Variants in MDGA2 observed in about 807,000 individuals in gnomAD.
MDGA2 encodes MAM domain containing glycosylphosphatidylinositol anchor 2, also known as MAM domain-containing glycosylphosphatidylinositol anchor protein 2.
A neutral mutation model predicts 117.8 loss-of-function variants in MDGA2; 40 were observed. The ratio of observed to expected loss-of-function variants is 0.34; its 90% CI spans 0.26 to 0.44. MDGA2 has a LOEUF of 0.44. Ranked by LOEUF, MDGA2 falls within the 20% of genes least tolerant of loss-of-function variation. The pLI is 1.00. For missense variants in MDGA2, 1,123 were observed against 1,250.6 expected (o/e 0.90, Z 1.54); for synonymous variants, 452 against 439.0 (o/e 1.03, Z -0.37).
At chr14:47,227,370 C>T (rs1341374163) in intron 2 of MDGA2, among the ~76,000 whole-genome samples, 1 of 152,088 alleles carries the variant, frequency 6.6e-6, no homozygotes, top group Non-Finnish European at 1.5e-5. Context: ...AATTTACACC[C>T]CAATTTATTT....
chr14:47,447,624 G>A (rs998316563), intron 1 of MDGA2, among the ~76,000 whole-genome samples: 2 of 152,092 alleles, frequency 1.3e-5, no homozygotes, highest in Non-Finnish European at 2.9e-5. Context: ...CAGAGATTTG[G>A]TGCCTCCGGA....
At chr14:47,473,876 AC>A (rs1170481945) in intron 1 of MDGA2, among the ~76,000 whole-genome samples, 1 of 152,190 alleles carries the variant, frequency 6.6e-6, no homozygotes, top group Non-Finnish European at 1.5e-5. Flanking sequence ...CCAATATCAT[AC>A]TGAATGGGTA....
intron 8 of MDGA2, among the ~76,000 whole-genome samples, chr14:47,015,584 G>C (rs1888055473): frequency 6.6e-6 from 1 of 152,026 alleles, no homozygotes; most frequent in Non-Finnish European, 1.5e-5. Flanking sequence ...GACTGGGAAG[G>C]CTTGAGGCCA....
chr14:47,298,695 T>G (rs1214425606), intron 2 of MDGA2, among the ~76,000 whole-genome samples: 1 of 149,732 alleles, frequency 6.7e-6, no homozygotes, highest in Non-Finnish European at 1.5e-5. Context: ...TTTTTTTTTT[T>G]TTTTTTTGAG....
Position 47,001,040 on chromosome 14 carries a change from C to G in MDGA2, c.1819+33971G>C, listed in dbSNP as rs117837462. 6.6e-5 allele frequency among the ~76,000 whole-genome samples: 10 copies of G among 152,034 alleles called. No individual in the cohort carries two copies. The East Asian group carries it at 1.4e-3, about 21-fold the overall frequency. On this transcript the variant is annotated intron_variant, in intron 8 of 16. Coordinates refer to ENST00000399232, the MANE Select transcript of MDGA2 (RefSeq NM_001113498.3). ...ACATAAAATACTCAGACTTCGAACA[C>G]TAAACTAGGGGAGGAAACAGTGGAA...
chr14:47,604,280 C>T (rs1216936051), intron 1 of MDGA2, among the ~76,000 whole-genome samples: 9 of 151,786 alleles, frequency 5.9e-5, no homozygotes, highest in Non-Finnish European at 1.0e-4. Context: ...CTCCCCTCCA[C>T]CACTCTCATC....
intron 1 of MDGA2, among the ~76,000 whole-genome samples, chr14:47,633,789 A>T (rs1897278272): frequency 1.3e-5 from 2 of 152,146 alleles, no homozygotes; most frequent in African/African-American, 4.8e-5. Flanking sequence ...TAGACCATTT[A>T]CCCTGGGTCT....
chr14:47,327,703 T>C (rs970025996), intron 1 of MDGA2, among the ~76,000 whole-genome samples: 10 of 152,194 alleles, frequency 6.6e-5, no homozygotes, highest in Non-Finnish European at 2.9e-5. Context: ...ATGTTATGCA[T>C]ATACAGTACA....
chr14:47,531,986 A>G (rs1895110547), intron 1 of MDGA2, among the ~76,000 whole-genome samples: 2 of 152,212 alleles, frequency 1.3e-5, no homozygotes, highest in South Asian at 4.1e-4. Flanking sequence ...ATTGACCACC[A>G]TAAGGGTTAT....
At chr14:47,231,087 G>C (rs1886673940) in intron 2 of MDGA2, among the ~76,000 whole-genome samples, 1 of 151,934 alleles carries the variant, frequency 6.6e-6, no homozygotes, top group South Asian at 2.1e-4. Flanking sequence ...ATATATTGTA[G>C]TCTTCAATTT....
At chr14:47,641,000 CT>C (rs537076518) in intron 1 of MDGA2, among the ~76,000 whole-genome samples, 35 of 148,480 alleles carry the variant, frequency 2.4e-4, no homozygotes, top group Non-Finnish European at 2.5e-4. Context: ...ATTTCTTTAC[CT>C]TTTTTTTTTG....
chr14:47,021,788 G>A (rs917668249), intron 8 of MDGA2, among the ~76,000 whole-genome samples: 12 of 151,996 alleles, frequency 7.9e-5, no homozygotes, highest in African/African-American at 2.9e-4. Context: ...AAAATTTGAT[G>A]GTAGAAACAG....
intron 1 of MDGA2, chr14:47,444,535 C>A: frequency 6.1e-6 from 1 of 162,678 alleles, no homozygotes; most frequent in Non-Finnish European, 1.4e-5. Flanking sequence ...GACAGAAGTA[C>A]ATGTTTAAAT....
chr14:47,388,834 G>A (rs1045581078), intron 1 of MDGA2, among the ~76,000 whole-genome samples: 3 of 152,096 alleles, frequency 2.0e-5, no homozygotes, highest in Non-Finnish European at 2.9e-5. Flanking sequence ...TTTGGCCTGA[G>A]TCTAACTCCT....
chr14:47,351,136 T>C (rs968418510), intron 1 of MDGA2, among the ~76,000 whole-genome samples: 1 of 149,846 alleles, frequency 6.7e-6, no homozygotes, highest in African/African-American at 2.5e-5. Context: ...TGGAGTGCAA[T>C]GGCACGATCT....
intron 3 of MDGA2, among the ~76,000 whole-genome samples, chr14:47,198,103 T>C (rs1885355031): frequency 6.6e-6 from 1 of 152,202 alleles, no homozygotes; most frequent in Non-Finnish European, 1.5e-5. Context: ...TATCTCTAGC[T>C]ACAGATCTGT....
chr14:47,156,157 C>T (rs1040378772), intron 3 of MDGA2, among the ~76,000 whole-genome samples: 7 of 151,898 alleles, frequency 4.6e-5, no homozygotes, highest in African/African-American at 1.7e-4. Flanking sequence ...GATCTGCCCA[C>T]CTTAGCCTCC....
intron 1 of MDGA2, among the ~76,000 whole-genome samples, chr14:47,521,596 CA>C (rs904245137): frequency 6.6e-6 from 1 of 152,086 alleles, no homozygotes; most frequent in African/African-American, 2.4e-5. Context: ...ATACAAATTC[CA>C]AAATGCTATG....
intron 9 of MDGA2, among the ~76,000 whole-genome samples, chr14:46,931,525 C>CTTT (rs34478677): frequency 0.24 from 30,875 of 128,692 alleles, 4,565 homozygotes; most frequent in African/African-American, 0.3. Context: ...TTTATTTTTG[C>CTTT]TTTTTTTTTT....
Sources: gnomAD v4.1 joint callset for allele counts (sites outside exome capture counted in the v4.1 genomes callset) on GRCh38, gnomAD v4.1.1 for gene constraint, MANE v1.5 for transcripts, NCBI Gene and HGNC (gene_info 2026-07-23, HGNC 2026-07-21) for gene names.